The following PRDM11 variants were observed in gnomAD, a reference collection of about 807,000 sequenced individuals.
PRDM11 encodes the protein PR/SET domain 11, also known as PR domain-containing protein 11.
A neutral mutation model predicts 97.8 loss-of-function variants in PRDM11; 20 were observed. The observed-to-expected ratio is 0.20, with a 90% CI of 0.14 to 0.30. PRDM11 has a LOEUF of 0.30. PRDM11 is among the 10% of genes least tolerant of loss of function. The pLI, the probability that PRDM11 is intolerant of heterozygous loss-of-function variation, is 1.00. For missense variants in PRDM11, 1,139 were observed against 1,555.2 expected, an observed-to-expected ratio of 0.73 and a Z score of 4.50; for synonymous variants, 599 against 637.7, an observed-to-expected ratio of 0.94 and a Z score of 0.91.
upstream of PRDM11, among the ~76,000 whole-genome samples, chr11:45,143,237 G>A (rs755541100): frequency 1.3e-5 from 2 of 152,202 alleles, no homozygotes; most frequent in Non-Finnish European, 2.9e-5. Context: ...CAACAAATGT[G>A]GAAGTGAATC....
intron 1 of PRDM11, among the ~76,000 whole-genome samples, chr11:45,105,424 G>A (rs1303148483): frequency 1.3e-5 from 2 of 152,230 alleles, no homozygotes; most frequent in African/African-American, 4.8e-5. Flanking sequence ...GAGAGGGAAA[G>A]GGCTTGTCTG....
intron 1 of PRDM11, 69 bp from the exon 2 acceptor site, chr11:45,181,692 C>G (rs751537030): frequency 4.2e-5 from 58 of 1,371,404 alleles, no homozygotes; most frequent in Non-Finnish European, 5.6e-5. Flanking sequence ...TTGCCCTCTC[C>G]GCCGCTCACT....
rs751265347 is a variant in PRDM11 at position 45,173,659 on chromosome 11, C to T, written c.-6-8102C>T. ...AAAAAAAAAGTTCTGCGGGAGGGAC[C>T]GCCTTGGGAGAATGTGTTCCACCAG... On this transcript the variant is annotated intron_variant, in intron 1 of 7. Coordinates refer to ENST00000683152, the MANE Select transcript of PRDM11 (RefSeq NM_001384648.1). 1.8e-4 allele frequency among the ~76,000 whole-genome samples: 28 copies of T among 151,718 alleles called. 1 individual carries two copies. The highest frequency in any genetic ancestry group is 1.9e-4 in the East Asian group (1 of 5,148).
intron 1 of PRDM11, among the ~76,000 whole-genome samples, chr11:45,100,261 G>A (rs1171954072): frequency 1.3e-5 from 2 of 152,084 alleles, no homozygotes; most frequent in Non-Finnish European, 2.9e-5. Flanking sequence ...CTTAAAATCC[G>A]AGTGACTGAG....
rs755569397 is a variant in PRDM11, at chr11:45,224,597, C to A, written c.1123C>A (p.Pro375Thr). The A allele has an allele frequency of 1.9e-6, 3 of 1,613,972 alleles. No individual in the cohort carries two copies. The highest frequency in any genetic ancestry group is 1.7e-6 in the Non-Finnish European group (2 of 1,180,026). The stretch of plus-strand genomic sequence containing the variant: ...GGTCCCCCAGGGGGTCTCCAAGGAG[C>A]CAGGCCAATTGGAGGATGAAGAAGA... The part of the protein sequence containing the change: ...WKVPQGVSKE[P>T]GQLEDEEEEP... The change falls in exon 7 of 8, where the codon CCA (proline) becomes ACA (threonine). Residue 375 changes from proline to threonine, a missense_variant. Pro to Thr is a conservative substitution (Grantham distance 38). This residue lies in a region of PRDM11 where 429 missense variants were observed against 510.3 expected (regional missense o/e 0.84). Transcript: ENST00000683152.
chr11:45,202,875 T>C (rs1463539987), intron 4 of PRDM11, among the ~76,000 whole-genome samples: 1 of 152,290 alleles, frequency 6.6e-6, no homozygotes, highest in South Asian at 2.1e-4. Context: ...ATTGTTATTT[T>C]TAAGGGTAGA....
In PRDM11 at chr11:45,234,215, T is replaced by G. The variant is rs1177838277; in HGVS notation, c.*6056T>G. ...TGCTCGCAGTTTCCTCTCTCTGTTT[T>G]TTTCCTCCTGGAGGTAGGAGAGAGG... On this transcript the variant is annotated 3_prime_UTR_variant, in exon 8 of 8. Transcript: ENST00000683152. The G allele has an allele frequency of 6.6e-6, 1 of 152,220 alleles. No individual in the cohort carries two copies. Among genetic ancestry groups the G allele is most frequent in the Non-Finnish European group, 1.5e-5 (1 of 68,084 alleles). 9.4% of individuals were successfully genotyped at this position (152,220 alleles called of 1,614,324 possible).
At chr11:45,111,930 G>A (rs1286370594) in intron 1 of PRDM11, among the ~76,000 whole-genome samples, 1 of 150,228 alleles carries the variant, frequency 6.7e-6, no homozygotes, top group African/African-American at 2.5e-5. Context: ...ACAACTTTCT[G>A]AGTACCTCTT....
chr11:45,101,564 A>AGAAGAAG (rs1554963199), intron 1 of PRDM11, among the ~76,000 whole-genome samples: 3 of 108,546 alleles, frequency 2.8e-5, no homozygotes, highest in African/African-American at 1.5e-4. Flanking sequence ...TCAAAAAAAA[A>AGAAGAAG]AAAAAGAAGA....
chr11:45,145,805 C>G (rs527966236), upstream of PRDM11, among the ~76,000 whole-genome samples: 9 of 152,282 alleles, frequency 5.9e-5, no homozygotes, highest in African/African-American at 1.4e-4. Context: ...CGCAACCTGT[C>G]AGTTTTCCAG....
rs750529782 is a variant in PRDM11 at position 45,226,665 on chromosome 11, C to T, written c.2040C>T (p.Tyr680=). The T allele has an allele frequency of 3.3e-6, 5 of 1,533,992 alleles. No homozygotes were observed. In the South Asian group the frequency reaches 4.8e-5, roughly 15 times the overall value. The change falls in exon 8 of 8, where the codon TAC becomes TAT. Residue 680 remains tyrosine, a synonymous_variant. Coordinates refer to ENST00000683152, the MANE Select transcript of PRDM11 (RefSeq NM_001384648.1). ...LADTVAVYVQ[Y]TSSDGPPATE... ...ACACGGTGGCTGTCTATGTTCAGTA[C>T]ACCAGCAGTGATGGGCCCCCGGCCA...
chr11:45,176,343 C>T (rs1236461576), intron 1 of PRDM11, among the ~76,000 whole-genome samples: 2 of 152,160 alleles, frequency 1.3e-5, no homozygotes, highest in African/African-American at 4.8e-5. Context: ...TGCCATTGTA[C>T]TCCAGCCTGA....
chr11:45,168,996 A>T (rs1405147914), intron 1 of PRDM11, among the ~76,000 whole-genome samples: 2 of 152,132 alleles, frequency 1.3e-5, no homozygotes, highest in African/African-American at 4.8e-5. Context: ...GCCTCAGGGA[A>T]CTGTTAGGAC....
At chr11:45,143,955 C>T (rs1386322473), upstream of PRDM11, among the ~76,000 whole-genome samples, 3 of 152,204 alleles carry the variant, frequency 2.0e-5, no homozygotes, top group African/African-American at 7.2e-5. Context: ...GGCACTGCCT[C>T]ACAAGACGTG....
chr11:45,128,445 G>A (rs563530253), intron 1 of PRDM11, among the ~76,000 whole-genome samples: 6 of 152,102 alleles, frequency 3.9e-5, no homozygotes, highest in Non-Finnish European at 7.4e-5. Context: ...CGTCGCTCAC[G>A]CTGGAAGCTG....
intron 1 of PRDM11, among the ~76,000 whole-genome samples, chr11:45,124,418 G>A (rs2135634051): frequency 6.6e-6 from 1 of 152,122 alleles, no homozygotes; most frequent in East Asian, 1.9e-4. Flanking sequence ...CCTGTCTTGT[G>A]CCAGTTTTCA....
chr11:45,154,480 G>A (rs1387654515), intron 1 of PRDM11, among the ~76,000 whole-genome samples: 9 of 152,166 alleles, frequency 5.9e-5, no homozygotes, highest in South Asian at 2.1e-4. Context: ...CGGAGCCTCC[G>A]CTGAAATGAT....
At chr11:45,220,942 G>A (rs1306566983) in intron 6 of PRDM11, among the ~76,000 whole-genome samples, 4 of 151,804 alleles carry the variant, frequency 2.6e-5, no homozygotes, top group East Asian at 1.9e-4. Flanking sequence ...CTAAAACCAC[G>A]CATCCAAACA....
At chr11:45,213,051 A>G (rs1187774660) in intron 5 of PRDM11, 3 of 439,438 alleles carry the variant, frequency 6.8e-6, no homozygotes, top group African/African-American at 4.0e-5. Flanking sequence ...TAACCCAGCT[A>G]GTCTGCACTA....
Sources: gnomAD v4.1 joint callset for allele counts (sites outside exome capture counted in the v4.1 genomes callset) on GRCh38, gnomAD v4.1.1 for gene constraint, gnomAD v4.1.1 regional missense constraint, MANE v1.5 for transcripts, NCBI Gene and HGNC (gene_info 2026-07-23, HGNC 2026-07-21) for gene names.